PCDH1: variants seen among roughly 807,000 people sequenced by gnomAD.
The protein encoded by PCDH1 is protocadherin 1.
A neutral mutation model predicts 74.6 loss-of-function variants in PCDH1; 23 were observed. The observed-to-expected ratio is 0.31, with a 90% CI of 0.22 to 0.44. The LOEUF (loss-of-function observed/expected upper bound fraction) is 0.44, where lower values mean the gene tolerates loss of function less well. PCDH1 is among the 20% of genes least tolerant of loss of function. PCDH1 has a pLI of 1.00. For synonymous variants in PCDH1, 647 were observed against 686.1 expected, an observed-to-expected ratio of 0.94 and a Z score of 0.89; for missense variants, 1,214 against 1,641.4, an observed-to-expected ratio of 0.74 and a Z score of 4.50.
Position 141,868,672 on chromosome 5 carries a change from C to G in PCDH1, c.800G>C (p.Arg267Pro). The change falls in exon 2 of 5, where the codon CGT becomes CCT. Residue 267 changes from arginine to proline, a missense_variant. Arg to Pro is a moderately radical substitution (Grantham distance 103). This residue lies in a region of PCDH1 where 836 missense variants were observed against 1,182.2 expected (regional missense o/e 0.71). Coordinates refer to ENST00000287008, the MANE Select transcript of PCDH1 (RefSeq NM_032420.5). The surrounding 1 kb of genome is among the most constrained non-coding windows in gnomAD (Gnocchi z 4.8). ...GTCATTGGTGTCAAGCACGGTGACA[C>G]GCAGCAGGGCACTGCTGGCGCGTGG... ...SPPRASSALL[R>P]VTVLDTNDNA... 1 of 1,611,346 alleles carries G rather than the reference C, an allele frequency of 6.2e-7. No homozygotes were observed. Among genetic ancestry groups the G allele is most frequent in the Non-Finnish European group, 8.5e-7 (1 of 1,178,356 alleles).
chr5:141,854,224 G>A lies in PCDH1; in HGVS notation c.3532C>T (p.Arg1178Trp), dbSNP rs752657139. The change falls in exon 5 of 5, where the codon CGG becomes TGG. Residue 1178 changes from arginine (R) to tryptophan (W), a missense_variant. Coordinates refer to ENST00000287008, the MANE Select transcript of PCDH1 (RefSeq NM_032420.5). ...GAGSPSPPED[R>W]NTKTAPVRLL... The stretch of plus-strand genomic sequence containing the variant: ...CGCACGGGGGCCGTTTTGGTGTTCC[G>A]GTCTTCCGGGGGGCTGGGGCTGCCG... 3.1e-6 allele frequency: 5 copies of A among 1,611,108 alleles called. No individual in the cohort carries two copies. Among genetic ancestry groups the A allele is most frequent in the African/African-American group, 1.3e-5 (1 of 74,902 alleles).
Position 141,863,266 on chromosome 5 carries a change from T to C in PCDH1, c.3065A>G (p.Tyr1022Cys), listed in dbSNP as rs200867420. ...TGSEQYSDYSYRTNPPKYPSK... is the reference protein window; with the variant it reads ...TGSEQYSDYSCRTNPPKYPSK... Reference sequence around the variant, plus strand: ...GGGGTATTTGGGGGGGTTGGTGCGGTAGCTGTAGTCGGAGTACTGCTCAGA... The same window carrying C: ...GGGGTATTTGGGGGGGTTGGTGCGGCAGCTGTAGTCGGAGTACTGCTCAGA... The change falls in exon 3 of 5, where the codon TAC (tyrosine) becomes TGC (cysteine). Residue 1022 changes from tyrosine (Y) to cysteine (C), a missense_variant. By Grantham distance (194) the Tyr-to-Cys change is radical. Around this residue, in one of 4 missense-constraint regions of PCDH1, gnomAD observed 836 missense variants for 1,182.2 expected, o/e 0.71. Coordinates refer to ENST00000287008, the MANE Select transcript of PCDH1 (RefSeq NM_032420.5). This position sits in a 1 kb window ranked among gnomAD's most constrained non-coding sequence, Gnocchi z 7.5. 1.3e-6 allele frequency: 2 copies of C among 1,592,948 alleles called. No individual in the cohort carries two copies. Among genetic ancestry groups the C allele is most frequent in the African/African-American group, 2.7e-5 (2 of 74,482 alleles).
chr5:141,856,422 A>G (rs1250407772), intron 4 of PCDH1, among the ~76,000 whole-genome samples: 8 of 152,106 alleles, frequency 5.3e-5, no homozygotes, highest in African/African-American at 1.9e-4. Flanking sequence ...GAAACCTCCC[A>G]TCTTTTGTGG....
At chr5:141,867,696 G>T in intron 2 of PCDH1, 1 of 422,324 alleles carries the variant, frequency 2.4e-6, no homozygotes. Flanking sequence ...TTTCCAGGAT[G>T]GGTAATGGTG....
chr5:141,867,518 C>T (rs762949866), intron 2 of PCDH1: 8 of 445,234 alleles, frequency 1.8e-5, no homozygotes, highest in African/African-American at 6.1e-5. Context: ...GTGTTTAGAA[C>T]GGTGCCTGGC....
Position 141,869,635 on chromosome 5 carries a change from C to T in PCDH1, c.41-204G>A. On this transcript the variant is annotated intron_variant, in intron 1 of 4. Coordinates refer to ENST00000287008, the MANE Select transcript of PCDH1 (RefSeq NM_032420.5). This position sits in a 1 kb window ranked among gnomAD's most constrained non-coding sequence, Gnocchi z 4.9. ...GCTGGGTGTAGCAGCAGTGTCTGCC[C>T]CAGCTGGAGGAGCCAGTAAGAGGCC... 2 of 1,533,974 alleles carry T rather than the reference C, an allele frequency of 1.3e-6. No homozygotes were observed. Among genetic ancestry groups the T allele is most frequent in the African/African-American group, 1.4e-5 (1 of 73,128 alleles).
intron 4 of PCDH1, among the ~76,000 whole-genome samples, chr5:141,857,019 G>A (rs116386961): frequency 1.5e-3 from 222 of 152,340 alleles, no homozygotes; most frequent in African/African-American, 5.0e-3. Flanking sequence ...TTGGGCAAGT[G>A]ACTTAACCTC....
At position 141,864,717 on chromosome 5, in the gene PCDH1, A is replaced by G. The variant is rs759663030; in HGVS notation, c.1614T>C (p.Asn538=). 5 of 1,614,074 alleles carry G rather than the reference A, an allele frequency of 3.1e-6. No individual in the cohort carries two copies. The highest frequency in any genetic ancestry group is 1.6e-4 in the Middle Eastern group (1 of 6,084). The change falls in exon 3 of 5, where the codon AAT becomes AAC. Residue 538 remains asparagine, a synonymous_variant. Transcript: ENST00000287008. This position sits in a 1 kb window ranked among gnomAD's most constrained non-coding sequence, Gnocchi z 5.9. ...ITASDADSGS[N]AELVYSLEPE... is the part of the protein sequence containing the mutation. ...GCTCCAGAGAGTAAACCAGCTCAGC[A>G]TTAGAGCCAGAGTCAGCATCACTGG...
intron 3 of PCDH1, among the ~76,000 whole-genome samples, chr5:141,860,901 A>G (rs1447937026): frequency 1.3e-5 from 2 of 152,168 alleles, no homozygotes; most frequent in East Asian, 3.9e-4. Flanking sequence ...AGATCGCCTG[A>G]GGTCAGGAGC....
intron 3 of PCDH1, chr5:141,862,997 T>G: frequency 8.0e-7 from 1 of 1,253,678 alleles, no homozygotes. Context: ...CTCTCCCCAG[T>G]GGGGAGAGGG....
chr5:141,867,377 T>C (rs1206330327), intron 2 of PCDH1: 5 of 294,756 alleles, frequency 1.7e-5, no homozygotes, highest in Non-Finnish European at 2.6e-5. Flanking sequence ...GCGGCAAAGG[T>C]GGACTCTGAA....
At position 141,868,972 on chromosome 5, in the gene PCDH1, T is replaced by C. The variant is rs1482893996; in HGVS notation, c.500A>G (p.Asn167Ser). ...CAGAGTGATGACTGGTGAGGCGAAG[T>C]TGGGTGTGTTGTCATTGATGTCTTG... ...EVQDINDNTPNFASPVITLAI... is the reference protein window; with the variant it reads ...EVQDINDNTPSFASPVITLAI... The change falls in exon 2 of 5, where the codon AAC becomes AGC. Residue 167 changes from asparagine to serine, a missense_variant. Around this residue, in one of 4 missense-constraint regions of PCDH1, gnomAD observed 97 missense variants for 173.2 expected, o/e 0.56. Transcript: ENST00000287008. This position sits in a 1 kb window ranked among gnomAD's most constrained non-coding sequence, Gnocchi z 4.8. 1.9e-6 allele frequency: 3 copies of C among 1,614,044 alleles called. No homozygotes were observed. The highest frequency in any genetic ancestry group is 2.2e-5 in the South Asian group (2 of 91,086).
intron 2 of PCDH1, chr5:141,866,304 T>C: frequency 1.1e-6 from 1 of 877,600 alleles, no homozygotes; most frequent in Non-Finnish European, 1.4e-6. Flanking sequence ...CCACAGAGCC[T>C]GCTGGCAGTG....
At chr5:141,866,551 T>C (rs1752846637) in intron 2 of PCDH1, among the ~76,000 whole-genome samples, 1 of 152,058 alleles carries the variant, frequency 6.6e-6, no homozygotes, top group African/African-American at 2.4e-5. Context: ...GAGGGGAGAA[T>C]AAGCATAACT....
intron 2 of PCDH1, among the ~76,000 whole-genome samples, chr5:141,866,369 C>T (rs1376852162): frequency 1.3e-5 from 2 of 152,254 alleles, no homozygotes; most frequent in Non-Finnish European, 2.9e-5. Flanking sequence ...AGTCAGCGGG[C>T]ACACCCTCCC....
At chr5:141,861,115 CAAAAAAAAAAAA>C (rs59007688) in intron 3 of PCDH1, among the ~76,000 whole-genome samples, 1 of 61,924 alleles carries the variant, frequency 1.6e-5, no homozygotes, top group South Asian at 7.2e-4. Flanking sequence ...AACTCCATCT[CAAAAAAAAAAAA>C]AAAAAAAAAA....
chr5:141,870,571 T>C (rs1753068784), intron 1 of PCDH1, among the ~76,000 whole-genome samples: 2 of 152,070 alleles, frequency 1.3e-5, no homozygotes, highest in Non-Finnish European at 2.9e-5. Context: ...TGGATGAACA[T>C]CTGGCTCTTA....
rs746548024 is a variant in PCDH1 at position 141,854,168 on chromosome 5, G to A, written c.3588C>T (p.His1196=). The stretch of plus-strand genomic sequence containing the variant: ...AGTCCTTGCAGGAATCATGGCTACT[G>A]TGGGAGAAGGCACTGTAGGAGGGCA... ...RLLPSYSAFS[H]SSHDSCKDSA... is the part of the protein sequence containing the mutation. The change falls in exon 5 of 5, where the codon CAC becomes CAT. Residue 1196 remains histidine, a synonymous_variant. Transcript: ENST00000287008. The A allele has an allele frequency of 6.2e-7, 1 of 1,606,218 alleles. No individual in the cohort carries two copies. The highest frequency in any genetic ancestry group is 1.1e-5 in the South Asian group (1 of 90,554).
At chr5:141,862,870 GGTTTGGA>G in intron 3 of PCDH1, 5 of 1,163,136 alleles carry the variant, frequency 4.3e-6, no homozygotes, top group Non-Finnish European at 5.3e-6. Flanking sequence ...TAGAGACCTA[GGTTTGGA>G]GTAGACTTCT....
Sources: gnomAD v4.1 joint callset for allele counts (sites outside exome capture counted in the v4.1 genomes callset) on GRCh38, gnomAD v4.1.1 for gene constraint, gnomAD v4.1.1 regional missense constraint, Gnocchi (gnomAD v3.1) non-coding constraint, MANE v1.5 for transcripts, NCBI Gene and HGNC (gene_info 2026-07-23, HGNC 2026-07-21) for gene names.